Variants in DPP4 observed in about 807,000 individuals in gnomAD.
DPP4 encodes ADCP-2.
In DPP4, 93 loss-of-function variants were observed where a neutral mutation model predicts 122.4. That is an observed-to-expected ratio of 0.76 (90% CI 0.64 to 0.90). DPP4 has a LOEUF of 0.90. Ranked by LOEUF, DPP4 falls within the 40% of genes least tolerant of loss-of-function variation. DPP4 has a pLI of 0.00. For missense variants in DPP4, 914 were observed against 907.3 expected (o/e 1.01, Z -0.09); for synonymous variants, 321 against 302.9 (o/e 1.06, Z -0.62).
chr2:162,050,977 C>G (rs73971550), intron 2 of DPP4, among the ~76,000 whole-genome samples: 5,788 of 152,226 alleles, frequency 0.038, 245 homozygotes, highest in African/African-American at 0.097. Flanking sequence ...CTTATCAGTT[C>G]AAAGCATTGT....
intron 2 of DPP4, among the ~76,000 whole-genome samples, chr2:162,061,591 C>A (rs1452237614): frequency 1.3e-5 from 2 of 152,072 alleles, no homozygotes; most frequent in Non-Finnish European, 2.9e-5. Flanking sequence ...CAGTTGCTAG[C>A]ACTTACAAAT....
At chr2:162,030,715 A>G (rs554743392) in intron 10 of DPP4, among the ~76,000 whole-genome samples, 1 of 152,328 alleles carries the variant, frequency 6.6e-6, no homozygotes, top group African/African-American at 2.4e-5. Flanking sequence ...CAGTGTTAAC[A>G]GAGACCAGAG....
At position 162,014,391 on chromosome 2, in the gene DPP4, C is replaced by T; in HGVS notation, c.1637+5G>A. 1 of 1,602,886 alleles carries T rather than the reference C, an allele frequency of 6.2e-7. No individual in the cohort carries two copies. The highest frequency in any genetic ancestry group is 8.5e-7 in the Non-Finnish European group (1 of 1,172,478). On this transcript the variant is annotated splice_donor_5th_base_variant and intron_variant, in intron 19 of 25. Transcript: ENST00000360534. Reference sequence around the variant, plus strand: ...CTAAATTGCTCCCTTCTCTTGAATACTTACACATCTAATAGTAGAGGATAT... The same window carrying T: ...CTAAATTGCTCCCTTCTCTTGAATATTTACACATCTAATAGTAGAGGATAT...
rs577098673 is a variant in DPP4 at position 162,020,359 on chromosome 2, A to G, written c.1177-63T>C. The G allele has an allele frequency of 1.7e-5, 23 of 1,324,402 alleles. No homozygotes were observed. In the East Asian group the frequency reaches 2.8e-4, roughly 16 times the overall value. The allele number at this position is 1,324,402 out of a possible 1,614,324, so 82.0% of individuals were successfully genotyped here. A position where few individuals can be genotyped will look rare whatever the true frequency, so the allele number is the denominator to read the frequency against. On this transcript the variant is annotated intron_variant, in intron 13 of 25. Coordinates refer to ENST00000360534, the MANE Select transcript of DPP4 (RefSeq NM_001935.4). The stretch of plus-strand genomic sequence containing the variant: ...ATTGATTAGAGACTCTCTCTGTTCA[A>G]AGTGGAGGATTAAATCATTTATATC...
At chr2:161,999,121 G>A (rs1287637103) in intron 23 of DPP4, among the ~76,000 whole-genome samples, 1 of 152,048 alleles carries the variant, frequency 6.6e-6, no homozygotes, top group Non-Finnish European at 1.5e-5. Flanking sequence ...CCCAGAAAAA[G>A]GCAGCTGTGT....
At chr2:162,009,467 T>C (rs1701364385) in intron 20 of DPP4, among the ~76,000 whole-genome samples, 172 bp from the exon 21 acceptor site, 1 of 151,598 alleles carries the variant, frequency 6.6e-6, no homozygotes, top group Admixed American at 6.6e-5. Context: ...CATTTTAACC[T>C]AAGATCCAGA....
chr2:162,001,111 C>T (rs984036305), intron 23 of DPP4, among the ~76,000 whole-genome samples: 3 of 152,144 alleles, frequency 2.0e-5, no homozygotes, highest in Non-Finnish European at 4.4e-5. Flanking sequence ...GATAAGTGCC[C>T]TCTCTCCCTT....
In DPP4 at chr2:162,024,825, A is replaced by G. The variant is rs1350656748; in HGVS notation, c.1002T>C (p.Ser334=). The change falls in exon 11 of 26, where the codon AGT becomes AGC. Residue 334 remains serine, a synonymous_variant. Transcript: ENST00000360534. ...TCACCACTAAGCAGTTCCATCTTCC[A>G]CTGGATTCATCATAGTCACAAATAT... ...VMDICDYDES[S]GRWNCLVARQ... is the part of the protein sequence containing the mutation. 2 of 1,613,780 alleles carry G rather than the reference A, an allele frequency of 1.2e-6. No individual in the cohort carries two copies. The highest frequency in any genetic ancestry group is 3.3e-5 in the Admixed American group (2 of 60,010).
intron 22 of DPP4, among the ~76,000 whole-genome samples, chr2:162,007,760 T>C (rs1195957453): frequency 6.6e-6 from 1 of 151,914 alleles, no homozygotes; most frequent in East Asian, 1.9e-4. Context: ...CCAATTTTCT[T>C]AACAGAAAGA....
At chr2:161,994,882 T>G in intron 25 of DPP4, 79 bp downstream of exon 25, 1 of 1,369,736 alleles carries the variant, frequency 7.3e-7, no homozygotes. Flanking sequence ...TCTGTGGCAC[T>G]GCTAAAAGAA....
intron 2 of DPP4, among the ~76,000 whole-genome samples, chr2:162,070,472 T>G (rs139319299): frequency 0.017 from 2,653 of 152,314 alleles, 39 homozygotes; most frequent in East Asian, 0.037. Context: ...TCCTTTTGGC[T>G]GTTTAATTCT....
intron 2 of DPP4, among the ~76,000 whole-genome samples, chr2:162,059,730 A>C (rs1684696586): frequency 6.6e-6 from 1 of 152,244 alleles, no homozygotes; most frequent in South Asian, 2.1e-4. Flanking sequence ...AAGAAAAAAC[A>C]ATTATTGGAA....
intron 2 of DPP4, among the ~76,000 whole-genome samples, chr2:162,053,427 T>TAA (rs59821493): frequency 6.9e-6 from 1 of 144,680 alleles, no homozygotes; most frequent in Non-Finnish European, 1.5e-5. Flanking sequence ...TGAATAACTT[T>TAA]AAAAAAAAAA....
At chr2:161,993,555 C>A (rs534364059) in intron 25 of DPP4, among the ~76,000 whole-genome samples, 171 bp from the exon 26 acceptor site, 3 of 152,258 alleles carry the variant, frequency 2.0e-5, no homozygotes, top group African/African-American at 7.2e-5. Context: ...GTCTAATTTT[C>A]CCCCAGAGCT....
chr2:162,039,446 A>G (rs2106124984), intron 5 of DPP4, among the ~76,000 whole-genome samples: 1 of 152,226 alleles, frequency 6.6e-6, no homozygotes, highest in Middle Eastern at 3.4e-3. Context: ...GTCATTTTGT[A>G]CAAACATTAT....
At chr2:162,050,264 A>T (rs73971547) in intron 2 of DPP4, among the ~76,000 whole-genome samples, 5,779 of 152,296 alleles carry the variant, frequency 0.038, 246 homozygotes, top group African/African-American at 0.097. Flanking sequence ...TAGTTTAAAA[A>T]GTACTTAAAA....
chr2:162,047,398 C>A lies in DPP4; in HGVS notation c.193+5G>T. 6.6e-7 allele frequency: 1 copy of A among 1,515,950 alleles called. No individual in the cohort carries two copies. Among genetic ancestry groups the A allele is most frequent in the South Asian group, 1.3e-5 (1 of 74,358 alleles). The allele number at this position is 1,515,950 out of a possible 1,614,324, so 93.9% of individuals were successfully genotyped here. ...AAAATCTGCCCTACCCCAAAAAATT[C>A]TTACCTGAAATCCATCTTAAGGAGT... On this transcript the variant is annotated splice_donor_5th_base_variant and intron_variant, in intron 3 of 25. Coordinates refer to ENST00000360534, the MANE Select transcript of DPP4 (RefSeq NM_001935.4).
At chr2:162,001,180 G>A (rs755198328) in intron 23 of DPP4, among the ~76,000 whole-genome samples, 16 of 152,196 alleles carry the variant, frequency 1.1e-4, no homozygotes, top group Admixed American at 2.0e-4. Flanking sequence ...TTGTGTGTCC[G>A]TAAAATAGAA....
chr2:162,045,471 G>T, intron 5 of DPP4, 61 bp downstream of exon 5: 1 of 1,281,412 alleles, frequency 7.8e-7, no homozygotes, highest in Non-Finnish European at 1.1e-6. Context: ...CTTGAAATCG[G>T]TTATAACATA....
Sources: gnomAD v4.1 joint callset for allele counts (sites outside exome capture counted in the v4.1 genomes callset) on GRCh38, gnomAD v4.1.1 for gene constraint, MANE v1.5 for transcripts, NCBI Gene and HGNC (gene_info 2026-07-23, HGNC 2026-07-21) for gene names.